L1TD1: variants seen among roughly 807,000 people sequenced by gnomAD.
L1TD1 encodes LINE1 type transposase domain containing 1.
L1TD1 carries 26 observed loss-of-function variants against 25.7 expected under a neutral mutation model. The observed-to-expected ratio is 1.01, with a 90% CI of 0.74 to 1.40. The LOEUF (loss-of-function observed/expected upper bound fraction) is 1.40. Ranked by LOEUF, L1TD1 falls within the 40% of genes most tolerant of loss-of-function variation. The probability of loss-of-function intolerance (pLI) is 0.00; values close to 1 mark genes in which losing one functional copy is unlikely to be tolerated. For missense variants in L1TD1, 1,130 were observed against 975.0 expected, an observed-to-expected ratio of 1.16 and a Z score of -2.12; for synonymous variants, 421 against 335.6, an observed-to-expected ratio of 1.25 and a Z score of -2.78.
At chr1:62,198,072 G>T (rs1006925112) in intron 2 of L1TD1, among the ~76,000 whole-genome samples, 3 of 151,852 alleles carry the variant, frequency 2.0e-5, no homozygotes, top group Non-Finnish European at 4.4e-5. Context: ...AAAGTATAAA[G>T]CTATTAAAAA....
intron 2 of L1TD1, among the ~76,000 whole-genome samples, chr1:62,199,823 C>T (rs187949956): frequency 3.0e-4 from 45 of 152,138 alleles, no homozygotes; most frequent in Non-Finnish European, 4.9e-4. Context: ...TCAAAAAATC[C>T]CCAGGGTCAC....
intron 2 of L1TD1, among the ~76,000 whole-genome samples, chr1:62,198,786 T>G (rs965276665): frequency 2.5e-4 from 37 of 148,662 alleles, no homozygotes; most frequent in Admixed American, 2.2e-3. Flanking sequence ...AGTAACCTCC[T>G]TAAAATACAA....
Position 62,207,183 on chromosome 1 carries a change from T to C in L1TD1, c.555T>C (p.Asp185=), listed in dbSNP as rs1670766060. The C allele has an allele frequency of 6.4e-7, 1 of 1,552,876 alleles. No homozygotes were observed. The highest frequency in any genetic ancestry group is 2.0e-5 in the Admixed American group (1 of 51,050). ...EETLCNIDDR[D]GNRNVHLEFT... is the part of the protein sequence containing the mutation. Reference sequence around the variant, plus strand: ...CCTTATGCAATATAGATGACAGAGATGGAAATCGCAATGTCCATTTAGAAT... The same window carrying C: ...CCTTATGCAATATAGATGACAGAGACGGAAATCGCAATGTCCATTTAGAAT... Residue 185 remains aspartate (D), a synonymous_variant, in exon 3 of 4, where the codon GAT becomes GAC. Coordinates refer to ENST00000498273, the MANE Select transcript of L1TD1 (RefSeq NM_019079.5).
At position 62,211,054 on chromosome 1, in the gene L1TD1, C is replaced by G. The variant is rs1157491913; in HGVS notation, c.2280C>G (p.Ile760Met). 1.3e-6 allele frequency: 2 copies of G among 1,550,966 alleles called. No homozygotes were observed. The highest frequency in any genetic ancestry group is 2.4e-5 in the East Asian group (1 of 40,896). The change falls in exon 4 of 4, where the codon ATC becomes ATG. Residue 760 changes from isoleucine (I) to methionine (M), a missense_variant. Transcript: ENST00000498273. The stretch of plus-strand genomic sequence containing the variant: ...AAAAGAGACTGACTCCTAGACACAT[C>G]TTGGTGAAATTTTGGAATTCTAGTG... Reference protein sequence around the residue: ...IDEKRLTPRHILVKFWNSSDK... With the variant: ...IDEKRLTPRHMLVKFWNSSDK...
At chr1:62,198,352 C>T (rs1044612658) in intron 2 of L1TD1, among the ~76,000 whole-genome samples, 1 of 151,398 alleles carries the variant, frequency 6.6e-6, no homozygotes, top group Non-Finnish European at 1.5e-5. Context: ...ACAAAAGTCA[C>T]CTGTACGTTG....
intron 2 of L1TD1, among the ~76,000 whole-genome samples, chr1:62,202,546 C>CTTTTTTTTTTTTT (rs546794105): frequency 1.1e-5 from 1 of 92,000 alleles, no homozygotes. Flanking sequence ...TTTTTCTTTT[C>CTTTTTTTTTTTTT]TTTTTTTTTT....
At position 62,206,827 on chromosome 1, in the gene L1TD1, G is replaced by A; in HGVS notation, c.199G>A (p.Glu67Lys). ...AATGGAAATTCAAGACCTGATGTTT[G>A]AGGAGATGAGGGAAACTCTTAAAAA... ...VLMEIQDLMFEEMRETLKNDL... is the reference protein window; with the variant it reads ...VLMEIQDLMFKEMRETLKNDL... Residue 67 changes from glutamate (E) to lysine (K), a missense_variant, in exon 3 of 4, where the codon GAG (glutamate) becomes AAG (lysine). By Grantham distance (56) the Glu-to-Lys change is moderately conservative (BLOSUM62 1). Transcript: ENST00000498273. The A allele has an allele frequency of 1.9e-6, 3 of 1,607,594 alleles. No individual in the cohort carries two copies. The highest frequency in any genetic ancestry group is 1.7e-5 in the Admixed American group (1 of 58,564).
In L1TD1 at chr1:62,211,103, TC is replaced by T; in HGVS notation, c.2330del (p.Ser777LeufsTer16). The T allele has an allele frequency of 2.6e-6, 4 of 1,550,552 alleles. No homozygotes were observed. The highest frequency in any genetic ancestry group is 3.5e-6 in the Non-Finnish European group (4 of 1,146,772). ...TGATAAAGAGAAAATAATAAGGGCT[TC>T]TAGAGAGAGAAGAGAAATTACCTAC... Reference protein sequence around the residue: ...SSDKEKIIRASRERREITYQG... With the variant: ...SSDKEKIIRAXRERREITYQG... On this transcript the variant is annotated frameshift_variant, in exon 4 of 4. Transcript: ENST00000498273. LOFTEE classifies it low-confidence loss of function (END_TRUNC).
chr1:62,197,392 AT>A (rs201222712), intron 2 of L1TD1, among the ~76,000 whole-genome samples: 7,977 of 93,132 alleles, frequency 0.086, 254 homozygotes, highest in African/African-American at 0.12. Context: ...CTCAAAAAAA[AT>A]AAATTATATA....
intron 2 of L1TD1, among the ~76,000 whole-genome samples, chr1:62,203,502 C>T (rs1670680756): frequency 6.6e-6 from 1 of 152,172 alleles, no homozygotes; most frequent in Non-Finnish European, 1.5e-5. Flanking sequence ...GCAACCTCCA[C>T]CTCCCAGGTT....
rs1670500235 is a variant in L1TD1, at chr1:62,194,875, C to CG, written c.-251_-250insG. 2 of 152,416 alleles carry CG rather than the reference C, an allele frequency of 1.3e-5. No homozygotes were observed. The highest frequency in any genetic ancestry group is 4.8e-5 in the African/African-American group (2 of 41,442). The allele number at this position is 152,416 out of a possible 1,614,324, so 9.4% of individuals were successfully genotyped here. A position where few individuals can be genotyped will look rare whatever the true frequency, so the allele number is the denominator to read the frequency against. ...GTCCTTAGTTACAAGGCTCCATCCTCACTTTGTTCGCTCCTCAGTCGTCCA... is the reference window on the plus strand; with the variant it reads ...GTCCTTAGTTACAAGGCTCCATCCTCGACTTTGTTCGCTCCTCAGTCGTCCA... On this transcript the variant is annotated 5_prime_UTR_variant, in exon 1 of 4. Transcript: ENST00000498273.
Position 62,211,411 on chromosome 1 carries a change from C to A in L1TD1, c.*39C>A. 5 of 1,525,858 alleles carry A rather than the reference C, an allele frequency of 3.3e-6. No homozygotes were observed. The highest frequency in any genetic ancestry group is 4.4e-6 in the Non-Finnish European group (5 of 1,141,682). 94.5% of individuals were successfully genotyped at this position (1,525,858 alleles called of 1,614,324 possible). A position where few individuals can be genotyped will look rare whatever the true frequency, so the allele number is the denominator to read the frequency against. On this transcript the variant is annotated 3_prime_UTR_variant, in exon 4 of 4. Coordinates refer to ENST00000498273, the MANE Select transcript of L1TD1 (RefSeq NM_019079.5). ...CTACAAACAATATGCTTTCCTCCCC[C>A]AGCATGCATCCAAAAATCAACAAGT...
intron 2 of L1TD1, among the ~76,000 whole-genome samples, chr1:62,203,648 G>A (rs911275778): frequency 6.6e-6 from 1 of 152,134 alleles, no homozygotes; most frequent in African/African-American, 2.4e-5. Flanking sequence ...GCACGATCTA[G>A]GCTCACTGCA....
In L1TD1 at chr1:62,211,310, T is replaced by C. The variant is rs528788417; in HGVS notation, c.2536T>C (p.Phe846Leu). 3.7e-6 allele frequency: 6 copies of C among 1,613,332 alleles called. No homozygotes were observed. Among genetic ancestry groups the C allele is most frequent in the Non-Finnish European group, 5.1e-6 (6 of 1,179,786 alleles). The change falls in exon 4 of 4, where the codon TTT (phenylalanine) becomes CTT (leucine). Residue 846 changes from phenylalanine (F) to leucine (L), a missense_variant. Transcript: ENST00000498273. The stretch of plus-strand genomic sequence containing the variant: ...AAAGGTATTTCTTAGTATTGAAGAA[T>C]TTAGAGATTATGTTTTGCATATGCC... ...KTKVFLSIEE[F>L]RDYVLHMPTL... is the part of the protein sequence containing the mutation.
chr1:62,210,600 TAAC>T lies in L1TD1; in HGVS notation c.1828_1830del (p.Thr610del). 6.2e-7 allele frequency: 1 copy of T among 1,610,854 alleles called. No individual in the cohort carries two copies. The highest frequency in any genetic ancestry group is 1.1e-5 in the South Asian group (1 of 90,584). ...GAACTAACATCCAAAGAAGCAGACT[TAAC>T]AGAGGAAACAGAAGAAAACTTGAGA... is the stretch of plus-strand genomic sequence containing the variant. On this transcript the variant is annotated inframe_deletion, in exon 4 of 4. Transcript: ENST00000498273.
intron 2 of L1TD1, among the ~76,000 whole-genome samples, chr1:62,197,397 T>TTATATATATATATATATATATATA (rs10528649): frequency 1.5e-4 from 12 of 80,824 alleles, no homozygotes; most frequent in African/African-American, 2.0e-4. Flanking sequence ...AAAAAATAAA[T>TTATATATATATATATATATATATA]TATATATATA....
At position 62,210,688 on chromosome 1, in the gene L1TD1, C is replaced by T; in HGVS notation, c.1914C>T (p.Ser638=). 6.4e-7 allele frequency: 1 copy of T among 1,552,874 alleles called. No individual in the cohort carries two copies. Among genetic ancestry groups the T allele is most frequent in the Non-Finnish European group, 8.7e-7 (1 of 1,147,592 alleles). ...IKEEIGNLKS[S]HSGVLEIENS... is the part of the protein sequence containing the mutation. The stretch of plus-strand genomic sequence containing the variant: ...AGGAGATTGGAAATTTGAAAAGTTC[C>T]CATTCAGGTGTCTTGGAAATTGAAA... The change falls in exon 4 of 4, where the codon TCC becomes TCT. Residue 638 remains serine, a synonymous_variant. Coordinates refer to ENST00000498273, the MANE Select transcript of L1TD1 (RefSeq NM_019079.5).
chr1:62,200,094 T>G (rs1255655518), intron 2 of L1TD1, among the ~76,000 whole-genome samples: 1 of 152,216 alleles, frequency 6.6e-6, no homozygotes, highest in Non-Finnish European at 1.5e-5. Context: ...GGTATAATTT[T>G]TATATGTACG....
Position 62,200,186 on chromosome 1 carries a change from GATT to G in L1TD1, c.-111+3662_-111+3664del, listed in dbSNP as rs1670614967. 2.0e-5 allele frequency among the ~76,000 whole-genome samples: 3 copies of G among 152,048 alleles called. No homozygotes were observed. The South Asian group carries it at 6.2e-4, about 32-fold the overall frequency. On this transcript the variant is annotated intron_variant, in intron 2 of 3. Coordinates refer to ENST00000498273, the MANE Select transcript of L1TD1 (RefSeq NM_019079.5). ...ATATAACAATGTATATTATGGTTAT[GATT>G]ATTTGAGACGGAGTTTCACTCTTGT...
Sources: gnomAD v4.1 joint callset for allele counts (sites outside exome capture counted in the v4.1 genomes callset) on GRCh38, gnomAD v4.1.1 for gene constraint, MANE v1.5 for transcripts, NCBI Gene and HGNC (gene_info 2026-07-23, HGNC 2026-07-21) for gene names.